Variants in NCMAP observed in about 807,000 individuals in gnomAD.
NCMAP encodes non-compact myelin associated protein, also known as noncompact myelin-associated protein.
NCMAP carries 8 observed loss-of-function variants against 7.8 expected under a neutral mutation model. The observed-to-expected ratio is 1.02, with a 90% confidence interval of 0.60 to 1.84. The LOEUF (loss-of-function observed/expected upper bound fraction) is 1.84. NCMAP is among the 40% of genes most tolerant of loss of function. The pLI is 0.00. For synonymous variants in NCMAP, 41 were observed against 52.9 expected, an observed-to-expected ratio of 0.78 and a Z score of 0.98; for missense variants, 112 against 131.4, an observed-to-expected ratio of 0.85 and a Z score of 0.72.
At chr1:24,586,020 C>T (rs1431263306) in intron 1 of NCMAP, among the ~76,000 whole-genome samples, 3 of 152,150 alleles carry the variant, frequency 2.0e-5, no homozygotes, top group African/African-American at 2.4e-5. Flanking sequence ...CAGGGAGAAG[C>T]GAAGAAGGGC....
Position 24,605,773 on chromosome 1 carries a change from A to G in NCMAP, c.*26A>G, listed in dbSNP as rs890177046. On this transcript the variant is annotated 3_prime_UTR_variant, in exon 4 of 4. Transcript: ENST00000374392. ...CCTCTACCCTGGCGCTATCTCCACC[A>G]CTGTCCAAAGAGCCTCTCCAGAGTC... is the stretch of plus-strand genomic sequence containing the variant. 1.2e-6 allele frequency: 2 copies of G among 1,612,240 alleles called. No individual in the cohort carries two copies. Among genetic ancestry groups the G allele is most frequent in the Non-Finnish European group, 1.7e-6 (2 of 1,178,686 alleles).
chr1:24,579,311 T>A (rs1311428301), intron 1 of NCMAP, among the ~76,000 whole-genome samples: 2 of 152,142 alleles, frequency 1.3e-5, no homozygotes, highest in East Asian at 3.8e-4. Context: ...TTTCTTCTTC[T>A]CTGTGCATTG....
At chr1:24,604,145 G>C (rs9662951) in intron 3 of NCMAP, among the ~76,000 whole-genome samples, 8,229 of 152,262 alleles carry the variant, frequency 0.054, 760 homozygotes, top group African/African-American at 0.19. Context: ...TTAGGCCCCA[G>C]CTTTCAATAC....
At chr1:24,603,614 C>G (rs886238366) in intron 3 of NCMAP, among the ~76,000 whole-genome samples, 4 of 152,190 alleles carry the variant, frequency 2.6e-5, no homozygotes, top group Non-Finnish European at 5.9e-5. Flanking sequence ...TTAACCTCCT[C>G]CTGCCTGTAT....
chr1:24,565,442 C>T (rs760363149), intron 1 of NCMAP, among the ~76,000 whole-genome samples: 1 of 152,054 alleles, frequency 6.6e-6, no homozygotes, highest in Non-Finnish European at 1.5e-5. Flanking sequence ...GAGTCCTAGG[C>T]TTGGACAGGT....
intron 1 of NCMAP, among the ~76,000 whole-genome samples, chr1:24,575,046 TC>T (rs1380816928): frequency 2.6e-5 from 4 of 151,982 alleles, no homozygotes; most frequent in African/African-American, 4.8e-5. Context: ...AGCCTTGGCC[TC>T]CCAAAGTGCT....
intron 1 of NCMAP, among the ~76,000 whole-genome samples, chr1:24,556,772 C>T (rs1023372167): frequency 5.3e-5 from 8 of 152,068 alleles, no homozygotes; most frequent in Admixed American, 5.2e-4. Context: ...GAGGAGATGG[C>T]TGTGTCAAAT....
intron 3 of NCMAP, among the ~76,000 whole-genome samples, chr1:24,602,427 G>A (rs1477252940): frequency 4.7e-5 from 7 of 147,712 alleles, no homozygotes; most frequent in African/African-American, 1.3e-4. Flanking sequence ...AAAATTAGCC[G>A]GGCGCAGTGG....
At chr1:24,593,276 G>A (rs879437696) in intron 1 of NCMAP, among the ~76,000 whole-genome samples, 15 of 152,044 alleles carry the variant, frequency 9.9e-5, no homozygotes, top group Non-Finnish European at 1.9e-4. Flanking sequence ...TTTGAGTCCA[G>A]GAGTTTGAGA....
chr1:24,593,182 GA>G (rs11331272), intron 1 of NCMAP, among the ~76,000 whole-genome samples: 36,547 of 137,588 alleles, frequency 0.27, 4,957 homozygotes, highest in East Asian at 0.43. Context: ...TACCTCAAAA[GA>G]AAAAAAAAAA....
At chr1:24,593,321 TA>T (rs11331271) in intron 1 of NCMAP, among the ~76,000 whole-genome samples, 109,431 of 150,724 alleles carry the variant, frequency 0.73, 39,794 homozygotes, top group East Asian at 0.83. Flanking sequence ...CTAGCCTCTA[TA>T]AAAAAAAAAG....
chr1:24,589,213 C>A (rs1651974349), intron 1 of NCMAP, among the ~76,000 whole-genome samples: 1 of 152,030 alleles, frequency 6.6e-6, no homozygotes, highest in African/African-American at 2.4e-5. Flanking sequence ...ATTAAATTAA[C>A]CTCTGTCAGT....
chr1:24,585,221 A>G (rs958456077), intron 1 of NCMAP, among the ~76,000 whole-genome samples: 5 of 152,098 alleles, frequency 3.3e-5, no homozygotes, highest in Non-Finnish European at 5.9e-5. Context: ...AAGGGATCCA[A>G]GAGGAATAGA....
intron 1 of NCMAP, among the ~76,000 whole-genome samples, chr1:24,595,099 G>A (rs1570535751): frequency 6.6e-6 from 1 of 152,246 alleles, no homozygotes; most frequent in South Asian, 2.1e-4. Flanking sequence ...TAGCTTTGGG[G>A]ACTTTGATTT....
chr1:24,574,493 T>C (rs1201878729), intron 1 of NCMAP, among the ~76,000 whole-genome samples: 1 of 152,196 alleles, frequency 6.6e-6, no homozygotes, highest in Non-Finnish European at 1.5e-5. Context: ...ACGCTCCTGA[T>C]GTCCCAAGGT....
chr1:24,570,138 G>T (rs1651347287), intron 1 of NCMAP, among the ~76,000 whole-genome samples: 1 of 148,636 alleles, frequency 6.7e-6, no homozygotes, highest in Non-Finnish European at 1.5e-5. Flanking sequence ...TGGAGACGGG[G>T]TCCCCCTGTG....
At chr1:24,565,772 AT>A (rs57804219) in intron 1 of NCMAP, among the ~76,000 whole-genome samples, 19,772 of 151,520 alleles carry the variant, frequency 0.13, 1,820 homozygotes, top group African/African-American at 0.26. Flanking sequence ...TAATTTTTGC[AT>A]TTTTTTTGTA....
chr1:24,602,286 A>G (rs182876012), intron 3 of NCMAP, among the ~76,000 whole-genome samples: 1 of 152,132 alleles, frequency 6.6e-6, no homozygotes, highest in African/African-American at 2.4e-5. Context: ...GAGGAATGGT[A>G]AACACGCATT....
chr1:24,594,953 C>T (rs1003942724), intron 1 of NCMAP, among the ~76,000 whole-genome samples: 1 of 152,054 alleles, frequency 6.6e-6, no homozygotes, highest in Non-Finnish European at 1.5e-5. Context: ...TTTATTTTTG[C>T]CTCCTCATAT....
Sources: allele counts gnomAD v4.1 joint callset (sites outside exome capture counted in the v4.1 genomes callset), GRCh38; gene constraint gnomAD v4.1.1; transcripts MANE v1.5; gene names NCBI Gene and HGNC (gene_info 2026-07-23, HGNC 2026-07-21).